The following RBFOX1 variants were observed in gnomAD, a reference collection of about 807,000 sequenced individuals.
The protein encoded by RBFOX1 is RNA binding fox-1 homolog 1.
A neutral mutation model predicts 57.7 loss-of-function variants in RBFOX1; 8 were observed. That is an observed-to-expected ratio of 0.14 (90% CI 0.08 to 0.25). The LOEUF (loss-of-function observed/expected upper bound fraction) is 0.25. Among genes scored for constraint, RBFOX1 ranks in the 10% least tolerant of loss-of-function variants. The pLI, the probability that RBFOX1 is intolerant of heterozygous loss-of-function variation, is 1.00. For synonymous variants in RBFOX1, 326 were observed against 222.4 expected (o/e 1.47, Z -4.15); for missense variants, 611 against 548.5 (o/e 1.11, Z -1.14).
rs901791741 is a variant in RBFOX1 at position 6,769,178 on chromosome 16, T to A, written c.-16+114528T>A. ...CATTCCCACGCTGTTCTCATGATAG[T>A]GCATAAGCCTCATGAGATCCGATGG... On this transcript the variant is annotated intron_variant, in intron 3 of 15. Coordinates refer to ENST00000550418, the MANE Select transcript of RBFOX1 (RefSeq NM_018723.4). 7.2e-5 allele frequency among the ~76,000 whole-genome samples: 11 copies of A among 152,180 alleles called. 1 individual carries two copies. The highest frequency in any genetic ancestry group is 3.3e-4 in the Admixed American group (5 of 15,276).
chr16:5,619,549 A>G (rs2048142431), intron 3 of RBFOX1, among the ~76,000 whole-genome samples: 1 of 152,170 alleles, frequency 6.6e-6, no homozygotes, highest in Admixed American at 6.5e-5. Context: ...AATTGGATTG[A>G]AAATCTCGCC....
chr16:5,833,196 T>C (rs1401161389), intron 3 of RBFOX1, among the ~76,000 whole-genome samples: 1 of 152,150 alleles, frequency 6.6e-6, no homozygotes, highest in African/African-American at 2.4e-5. Context: ...ATAATATCTG[T>C]ATCAATATGA....
rs78790634 is a variant in RBFOX1, at chr16:7,671,021, A to G, written c.931-5753A>G. Among the ~76,000 whole-genome samples the G allele has an allele frequency of 4.2e-3, 644 of 152,278 alleles. 4 individuals carry two copies. The highest frequency in any genetic ancestry group is 7.4e-3 in the Non-Finnish European group (501 of 68,016). On this transcript the variant is annotated intron_variant, in intron 13 of 15. Coordinates refer to ENST00000550418, the MANE Select transcript of RBFOX1 (RefSeq NM_018723.4). ...ACAGTTCTCTAGTCTGAAAGTATTA[A>G]AAGGAGCCATCGTAGCTTCAGTGTA...
At chr16:5,901,832 C>T (rs2058311687) in intron 4 of RBFOX1, among the ~76,000 whole-genome samples, 1 of 152,178 alleles carries the variant, frequency 6.6e-6, no homozygotes, top group African/African-American at 2.4e-5. Context: ...AATGCTTTTG[C>T]TTATCATTTC....
chr16:7,523,054 C>G (rs1444879009), intron 5 of RBFOX1, among the ~76,000 whole-genome samples: 1 of 152,184 alleles, frequency 6.6e-6, no homozygotes, highest in African/African-American at 2.4e-5. Flanking sequence ...GCTTAATTTG[C>G]AGTTTCTAGA....
At chr16:7,060,028 C>A (rs1470941960) in intron 4 of RBFOX1, among the ~76,000 whole-genome samples, 1 of 152,130 alleles carries the variant, frequency 6.6e-6, no homozygotes, top group African/African-American at 2.4e-5. Context: ...TGGAAAGATT[C>A]TGCAGTCAGA....
chr16:7,571,670 A>C (rs983801657), intron 5 of RBFOX1, among the ~76,000 whole-genome samples: 1 of 152,172 alleles, frequency 6.6e-6, no homozygotes, highest in African/African-American at 2.4e-5. Flanking sequence ...GCCCGGGTAG[A>C]AGCTGGCATT....
intron 4 of RBFOX1, among the ~76,000 whole-genome samples, chr16:7,377,897 G>A (rs1349431224): frequency 6.6e-6 from 1 of 152,218 alleles, no homozygotes; most frequent in Non-Finnish European, 1.5e-5. Context: ...TGCTCCCATA[G>A]TTTGGAGACT....
At chr16:7,037,112 T>C (rs574368465) in intron 3 of RBFOX1, among the ~76,000 whole-genome samples, 1 of 152,122 alleles carries the variant, frequency 6.6e-6, no homozygotes, top group Non-Finnish European at 1.5e-5. Context: ...TACTGCAAAC[T>C]GTTCTATCAG....
intron 3 of RBFOX1, among the ~76,000 whole-genome samples, chr16:6,862,843 G>C (rs2059253561): frequency 6.6e-6 from 1 of 152,030 alleles, no homozygotes; most frequent in Non-Finnish European, 1.5e-5. Flanking sequence ...AAATTAGCCA[G>C]TCATGGTGGC....
At chr16:5,562,365 A>T (rs1162279854) in intron 2 of RBFOX1, among the ~76,000 whole-genome samples, 3 of 152,116 alleles carry the variant, frequency 2.0e-5, no homozygotes, top group African/African-American at 7.2e-5. Flanking sequence ...TGGGGTCAGG[A>T]TTCAGTGAAG....
intron 2 of RBFOX1, among the ~76,000 whole-genome samples, chr16:6,441,853 C>G (rs369646779): frequency 5.3e-5 from 8 of 152,308 alleles, no homozygotes; most frequent in African/African-American, 1.9e-4. Flanking sequence ...CTGGGGAAGA[C>G]AGTCCTTCTC....
intron 3 of RBFOX1, among the ~76,000 whole-genome samples, chr16:7,037,163 C>G (rs897355971): frequency 1.3e-5 from 2 of 151,266 alleles, no homozygotes; most frequent in African/African-American, 4.9e-5. Flanking sequence ...TGCTGACCTC[C>G]TATCTTATCC....
intron 3 of RBFOX1, among the ~76,000 whole-genome samples, chr16:5,864,424 A>C (rs1001689732): frequency 6.6e-6 from 1 of 152,212 alleles, no homozygotes; most frequent in Non-Finnish European, 1.5e-5. Context: ...GGTCCCAGTC[A>C]AGTTCCAGTT....
chr16:6,808,841 C>G (rs766450637), intron 3 of RBFOX1, among the ~76,000 whole-genome samples: 8 of 152,166 alleles, frequency 5.3e-5, no homozygotes, highest in South Asian at 2.1e-4. Context: ...ATCACTACCT[C>G]TTACCAAGGG....
chr16:6,549,447 G>A lies in RBFOX1; in HGVS notation c.-63-105156G>A, dbSNP rs2096950248. ...GAGGGGAGGAGGGAGGAGGAGGAGG[G>A]AGGAGGGAAAAGGAAGTGGGGAGGA... On this transcript the variant is annotated intron_variant, in intron 2 of 15. Transcript: ENST00000550418. 3.7e-5 allele frequency among the ~76,000 whole-genome samples: 3 copies of A among 81,560 alleles called. No homozygotes were observed. The South Asian group carries it at 2.0e-3, about 55-fold the overall frequency. 53.5% of individuals were successfully genotyped at this position (81,560 alleles called of 152,430 possible). A position where few individuals can be genotyped will look rare whatever the true frequency, so the allele number is the denominator to read the frequency against.
chr16:6,466,220 ACT>A (rs1418870797), intron 2 of RBFOX1, among the ~76,000 whole-genome samples: 3 of 146,706 alleles, frequency 2.0e-5, no homozygotes, highest in Non-Finnish European at 4.5e-5. Flanking sequence ...ACAGATTAAA[ACT>A]CTATCTCAAA....
At chr16:7,617,381 T>TC (rs1227734250) in intron 10 of RBFOX1, among the ~76,000 whole-genome samples, 2 of 152,188 alleles carry the variant, frequency 1.3e-5, no homozygotes, top group East Asian at 3.9e-4. Flanking sequence ...TTGTTTTTTT[T>TC]CAAACATCCA....
chr16:5,623,415 C>G (rs890751685), intron 3 of RBFOX1, among the ~76,000 whole-genome samples: 3 of 152,182 alleles, frequency 2.0e-5, no homozygotes, highest in Non-Finnish European at 2.9e-5. Context: ...AGTCTCTACT[C>G]TCAGCGAGTT....
Sources: allele counts gnomAD v4.1 joint callset (sites outside exome capture counted in the v4.1 genomes callset), GRCh38; gene constraint gnomAD v4.1.1; transcripts MANE v1.5; gene names NCBI Gene and HGNC (gene_info 2026-07-23, HGNC 2026-07-21).